The following CARD9 variants were observed in gnomAD, a reference collection of about 807,000 sequenced individuals.
The protein encoded by CARD9 is caspase recruitment domain-containing protein 9.
CARD9 carries 53 observed loss-of-function variants against 66.0 expected under a neutral mutation model. The observed-to-expected ratio is 0.80, with a 90% CI of 0.64 to 1.01. The LOEUF is 1.01. CARD9 is among the 50% of genes least tolerant of loss of function. The pLI is 0.00. For synonymous variants in CARD9, 387 were observed against 313.8 expected (o/e 1.23, Z -2.47); for missense variants, 769 against 743.2 (o/e 1.03, Z -0.40).
rs540594224 is a variant in CARD9 at position 136,367,919 on chromosome 9, C to T, written c.1078-91G>A. On this transcript the variant is annotated intron_variant, in intron 7 of 12. Coordinates refer to ENST00000371732, the MANE Select transcript of CARD9 (RefSeq NM_052813.5). ...GCCGCCCAACTCCAAGCAGAGGCTC[C>T]GGAGGACGTCAAGCCGCTGGGCGCG... 1.4e-5 allele frequency: 21 copies of T among 1,473,014 alleles called. No individual in the cohort carries two copies. In the Middle Eastern group the frequency reaches 5.3e-4, roughly 37 times the overall value. 91.2% of individuals were successfully genotyped at this position (1,473,014 alleles called of 1,614,324 possible).
rs1833290933 is a variant in CARD9, at chr9:136,372,084, C to T, written c.-6G>A. 1 of 1,612,446 alleles carries T rather than the reference C, an allele frequency of 6.2e-7. No individual in the cohort carries two copies. The highest frequency in any genetic ancestry group is 8.5e-7 in the Non-Finnish European group (1 of 1,179,926). ...TCGTTCTCGTAGTCCGACATGGCCT[C>T]AGCAGGCAGGCTGGGGAGTGTGGGG... On this transcript the variant is annotated 5_prime_UTR_variant, in exon 2 of 13. Transcript: ENST00000371732.
chr9:136,364,281 T>C lies in CARD9; in HGVS notation c.*21A>G. 1 of 1,551,826 alleles carries C rather than the reference T, an allele frequency of 6.4e-7. No individual in the cohort carries two copies. The highest frequency in any genetic ancestry group is 8.7e-7 in the Non-Finnish European group (1 of 1,147,494). ...GGCCGGGCCGGTGGGTGTGCCCTGG[T>C]CGGGGCCTGCGCTGCTGCGGCTAGG... On this transcript the variant is annotated 3_prime_UTR_variant, in exon 13 of 13. Transcript: ENST00000371732.
At position 136,371,451 on chromosome 9, in the gene CARD9, C is replaced by T; in HGVS notation, c.195G>A (p.Leu65=). 6.3e-7 allele frequency: 1 copy of T among 1,579,696 alleles called. No homozygotes were observed. Among genetic ancestry groups the T allele is most frequent in the Non-Finnish European group, 8.6e-7 (1 of 1,162,200 alleles). The change falls in exon 3 of 13, where the codon CTG becomes CTA. Residue 65 remains leucine (L), a synonymous_variant. Transcript: ENST00000371732. ...VIRKRKVGVL[L]DILQRTGHKG... ...TGTGGCCGGTCCGCTGCAGGATGTCCAGGAGCACACCTGCGGGCCAGAGAG... is the reference window on the plus strand; with the variant it reads ...TGTGGCCGGTCCGCTGCAGGATGTCTAGGAGCACACCTGCGGGCCAGAGAG...
chr9:136,373,369 C>A (rs1833320562), intron 1 of CARD9, among the ~76,000 whole-genome samples, 163 bp downstream of exon 1: 1 of 152,218 alleles, frequency 6.6e-6, no homozygotes, highest in African/African-American at 2.4e-5. Context: ...GAAATGAACA[C>A]ATCTCCGCCC....
Position 136,372,026 on chromosome 9 carries a change from CG to C in CARD9, c.52del (p.Arg18GlyfsTer2). 1 of 1,612,822 alleles carries C rather than the reference CG, an allele frequency of 6.2e-7. No individual in the cohort carries two copies. Among genetic ancestry groups the C allele is most frequent in the Non-Finnish European group, 8.5e-7 (1 of 1,179,968 alleles). ...DECWSVLEGFRVTLTSVIDPS... is the reference protein window; with the variant it reads ...DECWSVLEGFXVTLTSVIDPS... Reference sequence around the variant, plus strand: ...GTCGATGACCGAGGTGAGCGTCACCCGGAAGCCCTCCAGGACGCTCCAGCAC... The same window carrying C: ...GTCGATGACCGAGGTGAGCGTCACCCGAAGCCCTCCAGGACGCTCCAGCAC... On this transcript the variant is annotated frameshift_variant, in exon 2 of 13. Transcript: ENST00000371732. LOFTEE classifies it high-confidence loss of function.
At chr9:136,364,702 C>T in intron 11 of CARD9, 143 bp from the exon 12 acceptor site, 1 of 773,354 alleles carries the variant, frequency 1.3e-6, no homozygotes, top group East Asian at 2.7e-5. Flanking sequence ...CCAAGCTCTC[C>T]CTGTGGGACC....
chr9:136,373,387 G>T, intron 1 of CARD9, 145 bp downstream of exon 1: 1 of 513,816 alleles, frequency 1.9e-6, no homozygotes, highest in Non-Finnish European at 2.5e-6. Flanking sequence ...CCCAGGGGCC[G>T]TGAAAGGGAC....
rs768834477 is a variant in CARD9, at chr9:136,367,836, G to A, written c.1078-8C>T. The A allele has an allele frequency of 6.3e-7, 1 of 1,596,808 alleles. No individual in the cohort carries two copies. Among genetic ancestry groups the A allele is most frequent in the Non-Finnish European group, 8.5e-7 (1 of 1,176,840 alleles). ...CTCCCGCGTGGCTATGGCCTGACGG[G>A]ACAGCACAAGGCCGACCCTCAGTGA... On this transcript the variant is annotated splice_region_variant and splice_polypyrimidine_tract_variant and intron_variant, in intron 7 of 12. Coordinates refer to ENST00000371732, the MANE Select transcript of CARD9 (RefSeq NM_052813.5).
intron 6 of CARD9, chr9:136,370,093 A>G: frequency 1.4e-6 from 2 of 1,391,912 alleles, no homozygotes; most frequent in East Asian, 2.5e-5. Context: ...CTCAGGCACC[A>G]TGAGCCCAGA....
rs116038396 is a variant in CARD9, at chr9:136,365,090, G to A, written c.1434+51C>T. The A allele has an allele frequency of 1.8e-3, 2,824 of 1,574,668 alleles. 59 individuals are homozygous for A. The African/African-American group carries it at 0.033, about 19-fold the overall frequency. On this transcript the variant is annotated intron_variant, in intron 11 of 12. Coordinates refer to ENST00000371732, the MANE Select transcript of CARD9 (RefSeq NM_052813.5). The stretch of plus-strand genomic sequence containing the variant: ...GCAGGGAGCCACTCTCCCTGTGATC[G>A]GTCACCCTGAGGCCCACGGCTGGGA...
chr9:136,370,038 C>T (rs1410128625), intron 6 of CARD9, 163 bp from the exon 7 acceptor site: 24 of 1,437,816 alleles, frequency 1.7e-5, no homozygotes, highest in African/African-American at 7.1e-5. Flanking sequence ...ACTTCCAGAC[C>T]GCGGCAGGAC....
At chr9:136,366,957 C>A (rs1273981295) in intron 9 of CARD9, 112 bp from the exon 10 acceptor site, 1 of 1,295,958 alleles carries the variant, frequency 7.7e-7, no homozygotes, top group Non-Finnish European at 1.1e-6. Context: ...TTGCCGTCAC[C>A]CCCTGCACAG....
rs1174420190 is a variant in CARD9, at chr9:136,369,855, C to T, written c.972G>A (p.Met324Ile). ...RRLRCMEEKE[M>I]FELQCLALRK... Reference sequence around the variant, plus strand: ...GTAGTGCCAGGCACTGCAGCTCGAACATCTCCTTCTCCTCCATGCACTGCA... The same window carrying T: ...GTAGTGCCAGGCACTGCAGCTCGAATATCTCCTTCTCCTCCATGCACTGCA... The change falls in exon 7 of 13, where the codon ATG becomes ATA. Residue 324 changes from methionine to isoleucine, a missense_variant. Coordinates refer to ENST00000371732, the MANE Select transcript of CARD9 (RefSeq NM_052813.5). 1 of 1,612,698 alleles carries T rather than the reference C, an allele frequency of 6.2e-7. No homozygotes were observed. Among genetic ancestry groups the T allele is most frequent in the Admixed American group, 1.7e-5 (1 of 60,022 alleles).
chr9:136,368,558 G>A (rs1833181955), intron 7 of CARD9, among the ~76,000 whole-genome samples: 1 of 152,236 alleles, frequency 6.6e-6, no homozygotes. Context: ...CTCCTGATGT[G>A]GACAAAGTGC....
chr9:136,367,489 C>T (rs1564367487), intron 8 of CARD9, 148 bp downstream of exon 8: 6 of 1,060,288 alleles, frequency 5.7e-6, no homozygotes, highest in Non-Finnish European at 8.1e-6. Flanking sequence ...CTCGTGTGCC[C>T]TCACCCCACT....
chr9:136,372,958 C>T (rs1833310659), intron 1 of CARD9, among the ~76,000 whole-genome samples: 2 of 152,238 alleles, frequency 1.3e-5, no homozygotes, highest in Non-Finnish European at 2.9e-5. Context: ...CCAGTGGCTG[C>T]AACAGAACTA....
At chr9:136,367,495 C>G in intron 8 of CARD9, 142 bp downstream of exon 8, 1 of 1,093,036 alleles carries the variant, frequency 9.1e-7, no homozygotes, top group Non-Finnish European at 1.3e-6. Flanking sequence ...TGCCCTCACC[C>G]CACTGCCAGG....
At position 136,363,972 on chromosome 9, in the gene CARD9, T is replaced by G; in HGVS notation, c.*330A>C. On this transcript the variant is annotated 3_prime_UTR_variant, in exon 13 of 13. Coordinates refer to ENST00000371732, the MANE Select transcript of CARD9 (RefSeq NM_052813.5). ...GAGCGGGAATGCGGGTCACCCGTGC[T>G]GTTTATTTACGCAGCTGTGTTTTCT... The G allele has an allele frequency of 9.1e-7, 1 of 1,101,516 alleles. No homozygotes were observed. Among genetic ancestry groups the G allele is most frequent in the East Asian group, 2.6e-5 (1 of 38,896 alleles). The allele number at this position is 1,101,516 out of a possible 1,614,324, so 68.2% of individuals were successfully genotyped here. A position where few individuals can be genotyped will look rare whatever the true frequency, so the allele number is the denominator to read the frequency against.
rs1408692813 is a variant in CARD9, at chr9:136,367,813, C to T, written c.1093G>A (p.Glu365Lys). The T allele has an allele frequency of 6.2e-7, 1 of 1,600,982 alleles. No homozygotes were observed. Among genetic ancestry groups the T allele is most frequent in the Non-Finnish European group, 8.5e-7 (1 of 1,178,604 alleles). ...IERDQAIATR[E>K]ELHAQHARGL... ...CGGGCGTGCTGTGCGTGCAGCTCCTCCCGCGTGGCTATGGCCTGACGGGAC... is the reference window on the plus strand; with the variant it reads ...CGGGCGTGCTGTGCGTGCAGCTCCTTCCGCGTGGCTATGGCCTGACGGGAC... The change falls in exon 8 of 13, where the codon GAG becomes AAG. Residue 365 changes from glutamate (E) to lysine (K), a missense_variant. Physicochemically the swap from Glu to Lys is moderately conservative, Grantham distance 56. Coordinates refer to ENST00000371732, the MANE Select transcript of CARD9 (RefSeq NM_052813.5).
Sources: allele counts gnomAD v4.1 joint callset (sites outside exome capture counted in the v4.1 genomes callset), GRCh38; gene constraint gnomAD v4.1.1; transcripts MANE v1.5; gene names NCBI Gene and HGNC (gene_info 2026-07-23, HGNC 2026-07-21).